Variants in RBFOX1 observed in about 807,000 individuals in gnomAD.
The protein encoded by RBFOX1 is RNA binding protein fox-1 homolog 1.
RBFOX1 carries 8 observed loss-of-function variants against 57.7 expected under a neutral mutation model. The observed-to-expected ratio is 0.14, with a 90% CI of 0.08 to 0.25. The LOEUF (loss-of-function observed/expected upper bound fraction) is 0.25. RBFOX1 is among the 10% of genes least tolerant of loss of function. RBFOX1 has a pLI of 1.00. For missense variants in RBFOX1, 611 were observed against 548.5 expected (o/e 1.11, Z -1.14); for synonymous variants, 326 against 222.4 (o/e 1.47, Z -4.15).
At chr16:6,430,815 T>C (rs1003067534) in intron 2 of RBFOX1, among the ~76,000 whole-genome samples, 5 of 151,906 alleles carry the variant, frequency 3.3e-5, no homozygotes, top group South Asian at 4.2e-4. Context: ...GGATACAAGA[T>C]TAAAGGCAGG....
intron 4 of RBFOX1, among the ~76,000 whole-genome samples, chr16:7,124,286 T>C (rs2067879637): frequency 6.6e-6 from 1 of 152,104 alleles, no homozygotes; most frequent in African/African-American, 2.4e-5. Flanking sequence ...TAGTGGTGTG[T>C]GCCTTTGGTT....
At chr16:6,822,397 C>T (rs541375124) in intron 3 of RBFOX1, among the ~76,000 whole-genome samples, 5 of 152,182 alleles carry the variant, frequency 3.3e-5, no homozygotes, top group Non-Finnish European at 5.9e-5. Flanking sequence ...GGGGAGATGC[C>T]AGCAAGTCTT....
At chr16:5,853,852 C>T (rs1412511338) in intron 3 of RBFOX1, among the ~76,000 whole-genome samples, 1 of 152,146 alleles carries the variant, frequency 6.6e-6, no homozygotes, top group Non-Finnish European at 1.5e-5. Context: ...AACTCCTGGC[C>T]TCAAGCAATT....
Position 6,762,477 on chromosome 16 carries a change from G to A in RBFOX1, c.-16+107827G>A, listed in dbSNP as rs142883314. On this transcript the variant is annotated intron_variant, in intron 3 of 15. Transcript: ENST00000550418. ...CCTGTAAGAACAAAAGAAAAGGTGT[G>A]AATTTTTGGATTAGTTTATGGCTCA... 7.7e-3 allele frequency among the ~76,000 whole-genome samples: 1,166 copies of A among 152,214 alleles called. 9 individuals carry two copies. Among genetic ancestry groups the A allele is most frequent in the Admixed American group, 0.012 (186 of 15,286 alleles).
At chr16:5,681,907 A>G (rs2050351237) in intron 3 of RBFOX1, among the ~76,000 whole-genome samples, 1 of 152,100 alleles carries the variant, frequency 6.6e-6, no homozygotes, top group African/African-American at 2.4e-5. Context: ...TGAATCTGGA[A>G]GGAGTAGAAT....
intron 4 of RBFOX1, among the ~76,000 whole-genome samples, chr16:5,904,918 A>C (rs1172966100): frequency 6.9e-6 from 1 of 145,332 alleles, no homozygotes; most frequent in African/African-American, 2.5e-5. Context: ...CGGAGCTTGC[A>C]GTGAGCCGAG....
At chr16:6,213,498 C>A (rs959687152) in intron 1 of RBFOX1, among the ~76,000 whole-genome samples, 10 of 152,172 alleles carry the variant, frequency 6.6e-5, no homozygotes, top group Non-Finnish European at 1.5e-4. Flanking sequence ...CTCTGGCTGC[C>A]TTGACACTCT....
At chr16:7,400,034 T>C (rs1001276341) in intron 4 of RBFOX1, among the ~76,000 whole-genome samples, 1 of 152,190 alleles carries the variant, frequency 6.6e-6, no homozygotes, top group African/African-American at 2.4e-5. Flanking sequence ...GATTATGGCC[T>C]TCTCTGATTT....
intron 3 of RBFOX1, among the ~76,000 whole-genome samples, chr16:6,857,249 C>G (rs1211896644): frequency 6.6e-6 from 1 of 152,134 alleles, no homozygotes; most frequent in Non-Finnish European, 1.5e-5. Context: ...ATTGATAACT[C>G]CCCAATCTCT....
intron 4 of RBFOX1, among the ~76,000 whole-genome samples, chr16:7,063,984 A>C (rs570341201): frequency 2.0e-5 from 3 of 152,152 alleles, no homozygotes; most frequent in South Asian, 4.1e-4. Flanking sequence ...TGGAGGAACA[A>C]CTATACTAAA....
intron 5 of RBFOX1, among the ~76,000 whole-genome samples, chr16:7,561,200 T>A (rs2090261485): frequency 2.0e-5 from 3 of 152,258 alleles, no homozygotes; most frequent in Non-Finnish European, 2.9e-5. Flanking sequence ...GCCCACTGTC[T>A]CTGCTTTTAC....
intron 4 of RBFOX1, among the ~76,000 whole-genome samples, chr16:7,312,109 G>T (rs747673808): frequency 3.5e-4 from 54 of 152,258 alleles, no homozygotes; most frequent in Admixed American, 6.5e-5. Flanking sequence ...GCCGGGCGCA[G>T]TGGCCCACGC....
At chr16:5,575,749 G>T (rs946298231) in intron 2 of RBFOX1, among the ~76,000 whole-genome samples, 4 of 152,080 alleles carry the variant, frequency 2.6e-5, no homozygotes, top group African/African-American at 9.7e-5. Flanking sequence ...CAAATAGGAA[G>T]AAAAGATAAC....
At chr16:6,654,385 T>C (rs1489078164) in intron 2 of RBFOX1, among the ~76,000 whole-genome samples, 3 of 152,208 alleles carry the variant, frequency 2.0e-5, no homozygotes, top group Non-Finnish European at 2.9e-5. Context: ...CTGCATGTAA[T>C]AAAACTTACT....
At chr16:6,914,117 C>T (rs992750345) in intron 3 of RBFOX1, among the ~76,000 whole-genome samples, 2 of 152,238 alleles carry the variant, frequency 1.3e-5, no homozygotes, top group African/African-American at 4.8e-5. Flanking sequence ...GGAATGATAC[C>T]TCTGCATGCT....
intron 3 of RBFOX1, among the ~76,000 whole-genome samples, chr16:6,887,243 T>C (rs1260995592): frequency 6.6e-6 from 1 of 152,228 alleles, no homozygotes; most frequent in Admixed American, 6.5e-5. Flanking sequence ...GAGTAGTGAT[T>C]ACCTGTATTT....
chr16:7,698,821 T>G (rs2079656766), intron 14 of RBFOX1, among the ~76,000 whole-genome samples: 1 of 152,190 alleles, frequency 6.6e-6, no homozygotes, highest in Non-Finnish European at 1.5e-5. Context: ...ATTGAGAACC[T>G]TCTGTATATG....
At chr16:6,316,178 A>G (rs1467500605) in intron 1 of RBFOX1, among the ~76,000 whole-genome samples, 4 of 149,296 alleles carry the variant, frequency 2.7e-5, no homozygotes, top group African/African-American at 4.9e-5. Context: ...CAGTATCCCA[A>G]CCCCCTTGGG....
intron 2 of RBFOX1, among the ~76,000 whole-genome samples, chr16:5,528,582 C>G (rs577270262): frequency 3.4e-5 from 5 of 146,436 alleles, no homozygotes; most frequent in South Asian, 2.2e-4. Flanking sequence ...TCTTCTTGTC[C>G]GATCCCCAAT....
Sources: allele counts gnomAD v4.1 joint callset (sites outside exome capture counted in the v4.1 genomes callset), GRCh38; gene constraint gnomAD v4.1.1; transcripts MANE v1.5; gene names NCBI Gene and HGNC (gene_info 2026-07-23, HGNC 2026-07-21).